Variants in CNTN3 observed in about 807,000 individuals in gnomAD.
CNTN3 encodes the protein contactin 3.
In CNTN3, 60 loss-of-function variants were observed where a neutral mutation model predicts 119.1. The observed-to-expected ratio is 0.50, with a 90% CI of 0.41 to 0.62. The LOEUF is 0.62. Ranked by LOEUF, CNTN3 falls within the 20% of genes least tolerant of loss-of-function variation. CNTN3 has a pLI of 0.00. For missense variants in CNTN3, 1,101 were observed against 1,242.4 expected, an observed-to-expected ratio of 0.89 and a Z score of 1.71; for synonymous variants, 450 against 438.7, an observed-to-expected ratio of 1.03 and a Z score of -0.32.
intron 13 of CNTN3, among the ~76,000 whole-genome samples, chr3:74,328,317 A>C (rs1234639728): frequency 6.6e-6 from 1 of 152,132 alleles, no homozygotes; most frequent in Non-Finnish European, 1.5e-5. Context: ...TTTTCATGAC[A>C]AAAGGAAATT....
intron 1 of CNTN3, among the ~76,000 whole-genome samples, chr3:74,592,148 T>G (rs749961421): frequency 1.1e-4 from 16 of 151,818 alleles, no homozygotes; most frequent in Non-Finnish European, 2.1e-4. Context: ...TTAGAAGGAA[T>G]GAGGACCAGG....
At chr3:74,312,236 G>T (rs371674037) in intron 13 of CNTN3, among the ~76,000 whole-genome samples, 7 of 151,818 alleles carry the variant, frequency 4.6e-5, no homozygotes, top group Non-Finnish European at 1.0e-4. Context: ...GGCAGATCAC[G>T]AGGTCAGGAG....
At position 74,369,193 on chromosome 3, in the gene CNTN3, G is replaced by A. The variant is rs1159945172; in HGVS notation, c.942C>T (p.Tyr314=). 9.4e-6 allele frequency: 15 copies of A among 1,597,256 alleles called. No homozygotes were observed. The highest frequency in any genetic ancestry group is 1.2e-5 in the Non-Finnish European group (14 of 1,172,542). ...TTGCCCAAAGCAGATGCTCACCATA[G>A]TAAGTGAGACGCCCTCTGGCAACAT... ...GKNVARGRLT[Y]YAKPHWVQLI... Residue 314 remains tyrosine, a synonymous_variant, in exon 8 of 23, where the codon TAC becomes TAT. Transcript: ENST00000263665.
At chr3:74,299,770 C>T in intron 17 of CNTN3, 98 bp downstream of exon 17, 4 of 909,254 alleles carry the variant, frequency 4.4e-6, no homozygotes, top group East Asian at 5.4e-5. Context: ...CCCAGCACTA[C>T]CACCACCACC....
intron 1 of CNTN3, among the ~76,000 whole-genome samples, chr3:74,548,595 G>C (rs1469457013): frequency 6.6e-6 from 1 of 151,660 alleles, no homozygotes; most frequent in African/African-American, 2.4e-5. Flanking sequence ...GAATTTTTTA[G>C]ATACAGCAAG....
intron 5 of CNTN3, among the ~76,000 whole-genome samples, chr3:74,414,068 C>T (rs1701481201): frequency 6.6e-6 from 1 of 152,220 alleles, no homozygotes; most frequent in Non-Finnish European, 1.5e-5. Flanking sequence ...AGCATCAGTG[C>T]AGTTGACTGC....
At chr3:74,408,656 C>A (rs915075249) in intron 5 of CNTN3, among the ~76,000 whole-genome samples, 2 of 151,956 alleles carry the variant, frequency 1.3e-5, no homozygotes, top group Non-Finnish European at 2.9e-5. Flanking sequence ...TGTATTAAAC[C>A]TTTGTAATTA....
intron 8 of CNTN3, among the ~76,000 whole-genome samples, chr3:74,366,181 C>A (rs1343577196): frequency 6.6e-6 from 1 of 152,002 alleles, no homozygotes; most frequent in Non-Finnish European, 1.5e-5. Context: ...AAATATTTTC[C>A]ACAAGTTAGA....
At chr3:74,537,279 C>T (rs1035335278) in intron 1 of CNTN3, among the ~76,000 whole-genome samples, 1 of 152,094 alleles carries the variant, frequency 6.6e-6, no homozygotes, top group Non-Finnish European at 1.5e-5. Context: ...ACACTCAAAA[C>T]AATATGTGTT....
At chr3:74,406,134 C>T (rs1315133377) in intron 5 of CNTN3, among the ~76,000 whole-genome samples, 1 of 152,006 alleles carries the variant, frequency 6.6e-6, no homozygotes, top group Non-Finnish European at 1.5e-5. Flanking sequence ...AAATAAAATC[C>T]GCAAAATATA....
At chr3:74,366,357 A>G (rs1407760698) in intron 8 of CNTN3, among the ~76,000 whole-genome samples, 1 of 152,140 alleles carries the variant, frequency 6.6e-6, no homozygotes, top group Non-Finnish European at 1.5e-5. Flanking sequence ...AATAAGTTCA[A>G]TCAAATGGAT....
intron 1 of CNTN3, among the ~76,000 whole-genome samples, chr3:74,569,202 G>C (rs1704273086): frequency 6.6e-6 from 1 of 152,108 alleles, no homozygotes; most frequent in Non-Finnish European, 1.5e-5. Context: ...GTGACTTCTT[G>C]TACAGGCCTG....
chr3:74,334,730 C>G lies in CNTN3; in HGVS notation c.1668+5G>C. The stretch of plus-strand genomic sequence containing the variant: ...AAAAAGTATGAGGAAAGTGCCACAA[C>G]TTACCCCACCAACTTTCTCAAAGTG... On this transcript the variant is annotated splice_donor_5th_base_variant and intron_variant, in intron 13 of 22. Coordinates refer to ENST00000263665, the MANE Select transcript of CNTN3 (RefSeq NM_020872.3). 6.2e-7 allele frequency: 1 copy of G among 1,612,346 alleles called. No homozygotes were observed. The highest frequency in any genetic ancestry group is 8.5e-7 in the Non-Finnish European group (1 of 1,178,988).
At position 74,419,122 on chromosome 3, in the gene CNTN3, T is replaced by G. The variant is rs143051886; in HGVS notation, c.454+5723A>C. Reference sequence around the variant, plus strand: ...TGTTTTAAAGTTTAACTTTATTACCTGCAGAACAGTAGCAAAGTGTTGTTC... The same window carrying G: ...TGTTTTAAAGTTTAACTTTATTACCGGCAGAACAGTAGCAAAGTGTTGTTC... On this transcript the variant is annotated intron_variant, in intron 5 of 22. Coordinates refer to ENST00000263665, the MANE Select transcript of CNTN3 (RefSeq NM_020872.3). 5.3e-3 allele frequency among the ~76,000 whole-genome samples: 809 copies of G among 152,284 alleles called. 5 individuals carry two copies. Among genetic ancestry groups the G allele is most frequent in the Non-Finnish European group, 9.0e-3 (609 of 68,020 alleles).
chr3:74,354,685 T>C (rs1294093243), intron 11 of CNTN3, among the ~76,000 whole-genome samples: 1 of 152,002 alleles, frequency 6.6e-6, no homozygotes, highest in South Asian at 2.1e-4. Context: ...CTTTACCCAA[T>C]ATTGGACTGT....
chr3:74,403,151 C>T (rs1056396106), intron 5 of CNTN3, among the ~76,000 whole-genome samples: 2 of 152,076 alleles, frequency 1.3e-5, no homozygotes, highest in African/African-American at 4.8e-5. Context: ...AAAGCCCTAA[C>T]TCTGACGATG....
intron 2 of CNTN3, among the ~76,000 whole-genome samples, chr3:74,503,951 G>T (rs1703208601): frequency 6.6e-6 from 1 of 152,074 alleles, no homozygotes; most frequent in Admixed American, 6.6e-5. Flanking sequence ...GCCTTTGAAT[G>T]TAAGTACAAG....
intron 13 of CNTN3, among the ~76,000 whole-genome samples, chr3:74,317,981 G>A (rs1702878201): frequency 6.6e-6 from 1 of 152,170 alleles, no homozygotes; most frequent in South Asian, 2.1e-4. Flanking sequence ...ACACCAATCA[G>A]ACGTAGATTT....
chr3:74,513,556 G>A (rs563265886), intron 2 of CNTN3, among the ~76,000 whole-genome samples: 1 of 151,690 alleles, frequency 6.6e-6, no homozygotes, highest in African/African-American at 2.4e-5. Flanking sequence ...GGTTTCATGT[G>A]TTAACACACC....
Sources: allele counts gnomAD v4.1 joint callset (sites outside exome capture counted in the v4.1 genomes callset), GRCh38; gene constraint gnomAD v4.1.1; transcripts MANE v1.5; gene names NCBI Gene and HGNC (gene_info 2026-07-23, HGNC 2026-07-21).